Variants in PTPRD observed in about 807,000 individuals in gnomAD.
PTPRD encodes the protein receptor-type tyrosine-protein phosphatase delta.
PTPRD carries 34 observed loss-of-function variants against 214.5 expected under a neutral mutation model. The ratio of observed to expected loss-of-function variants is 0.16; its 90% CI spans 0.12 to 0.21. PTPRD has a LOEUF of 0.21. PTPRD is among the 10% of genes least tolerant of loss of function. The pLI, the probability that PTPRD is intolerant of heterozygous loss-of-function variation, is 1.00. For missense variants in PTPRD, 2,545 were observed against 2,398.7 expected, an observed-to-expected ratio of 1.06 and a Z score of -1.27; for synonymous variants, 1,128 against 845.7, an observed-to-expected ratio of 1.33 and a Z score of -5.79.
chr9:9,268,077 A>C (rs184235272), intron 9 of PTPRD, among the ~76,000 whole-genome samples: 1 of 151,104 alleles, frequency 6.6e-6, no homozygotes, highest in African/African-American at 2.4e-5. Context: ...AAAAGAAAAA[A>C]TTGTCTCTGT....
chr9:9,686,730 T>A (rs2097172876), intron 7 of PTPRD, among the ~76,000 whole-genome samples: 1 of 151,798 alleles, frequency 6.6e-6, no homozygotes, highest in Non-Finnish European at 1.5e-5. Flanking sequence ...ATATAACATA[T>A]ACTTACATAT....
At chr9:10,067,728 A>G (rs539281825) in intron 3 of PTPRD, among the ~76,000 whole-genome samples, 100 of 152,004 alleles carry the variant, frequency 6.6e-4, no homozygotes, top group African/African-American at 2.2e-3. Context: ...TTTTTACTCT[A>G]AAGACCATGC....
chr9:8,780,148 C>A (rs1462527436), intron 11 of PTPRD, among the ~76,000 whole-genome samples: 1 of 152,106 alleles, frequency 6.6e-6, no homozygotes, highest in Non-Finnish European at 1.5e-5. Context: ...AATAAAACGA[C>A]TCTAAATTCA....
chr9:9,943,684 T>C (rs982909135), intron 4 of PTPRD, among the ~76,000 whole-genome samples: 3 of 152,154 alleles, frequency 2.0e-5, no homozygotes, highest in Admixed American at 1.3e-4. Flanking sequence ...AACATCTGAA[T>C]AAGAATTTGA....
At chr9:8,948,298 G>A (rs1335291048) in intron 11 of PTPRD, among the ~76,000 whole-genome samples, 3 of 143,698 alleles carry the variant, frequency 2.1e-5, no homozygotes, top group Non-Finnish European at 3.0e-5. Context: ...GATTACCGGC[G>A]TGAGCCACCG....
chr9:9,791,457 T>A (rs2098966732), intron 5 of PTPRD, among the ~76,000 whole-genome samples: 1 of 152,136 alleles, frequency 6.6e-6, no homozygotes, highest in Non-Finnish European at 1.5e-5. Flanking sequence ...ATTAATTGGT[T>A]ATTTCAATAT....
chr9:10,019,232 A>G (rs2096791986), intron 4 of PTPRD, among the ~76,000 whole-genome samples: 1 of 152,226 alleles, frequency 6.6e-6, no homozygotes, highest in African/African-American at 2.4e-5. Context: ...GTGAGATACC[A>G]TCTCACATCA....
At chr9:9,204,611 T>C (rs960726737) in intron 9 of PTPRD, among the ~76,000 whole-genome samples, 5 of 152,192 alleles carry the variant, frequency 3.3e-5, no homozygotes, top group Admixed American at 1.3e-4. Context: ...AATGTTTACA[T>C]TGCATTTATG....
chr9:8,729,298 C>A (rs1598181451), intron 12 of PTPRD, among the ~76,000 whole-genome samples: 1 of 152,080 alleles, frequency 6.6e-6, no homozygotes, highest in East Asian at 1.9e-4. Flanking sequence ...CATATTTCCC[C>A]TCTTGATCTT....
Position 8,454,418 on chromosome 9 carries a change from T to C in PTPRD, c.3876-4581A>G, listed in dbSNP as rs113296928. Among the ~76,000 whole-genome samples the C allele has an allele frequency of 1.3e-4, 20 of 152,324 alleles. 1 individual carries two copies. Among genetic ancestry groups the C allele is most frequent in the African/African-American group, 4.6e-4 (19 of 41,580 alleles). The stretch of plus-strand genomic sequence containing the variant: ...AAAATATTTATTTTCCCCAGAATCA[T>C]CTTAATGAAGTTACTGTGTATATGT... On this transcript the variant is annotated intron_variant, in intron 33 of 45. Transcript: ENST00000381196.
chr9:9,470,569 G>C (rs562976507), intron 8 of PTPRD, among the ~76,000 whole-genome samples: 1 of 152,106 alleles, frequency 6.6e-6, no homozygotes, highest in Admixed American at 6.6e-5. Flanking sequence ...TAGTAAAAGG[G>C]GGAATAAACA....
At position 8,436,476 on chromosome 9, in the gene PTPRD, T is replaced by C. The variant is rs10977102; in HGVS notation, c.4086+116A>G. On this transcript the variant is annotated intron_variant, in intron 35 of 45. Coordinates refer to ENST00000381196, the MANE Select transcript of PTPRD (RefSeq NM_002839.4). ...CGGTTCATTATACATTTTTATATCA[T>C]ATTTGAGTCATATTTAAAGGGAAAA... The C allele has an allele frequency of 0.077, 55,826 of 720,500 alleles. 3,964 individuals are homozygous for C. The highest frequency in any genetic ancestry group is 0.26 in the East Asian group (9,616 of 36,800). The allele number at this position is 720,500 out of a possible 1,614,324, so 44.6% of individuals were successfully genotyped here.
chr9:8,805,532 T>C (rs556873080), intron 11 of PTPRD, among the ~76,000 whole-genome samples: 1 of 151,794 alleles, frequency 6.6e-6, no homozygotes, highest in Non-Finnish European at 1.5e-5. Context: ...AAAATAAATA[T>C]AGACAGAATA....
intron 5 of PTPRD, among the ~76,000 whole-genome samples, chr9:9,907,509 T>A (rs910700379): frequency 1.3e-5 from 2 of 152,012 alleles, no homozygotes; most frequent in South Asian, 4.1e-4. Flanking sequence ...ATTTACTCAA[T>A]GTACACATAT....
intron 3 of PTPRD, among the ~76,000 whole-genome samples, chr9:10,333,794 G>T (rs191986906): frequency 6.6e-6 from 1 of 151,740 alleles, no homozygotes; most frequent in Non-Finnish European, 1.5e-5. Flanking sequence ...TTTAGGTTTT[G>T]TCTACCTAGG....
At chr9:10,100,367 A>C (rs1197317907) in intron 3 of PTPRD, among the ~76,000 whole-genome samples, 1 of 151,760 alleles carries the variant, frequency 6.6e-6, no homozygotes, top group African/African-American at 2.4e-5. Context: ...GGTAGAAAGA[A>C]GTGGAATTTG....
rs527361790 is a variant in PTPRD at position 9,905,133 on chromosome 9, T to G, written c.-368+33374A>C. Among the ~76,000 whole-genome samples the G allele has an allele frequency of 2.6e-5, 4 of 152,032 alleles. No homozygotes were observed. The South Asian group carries it at 8.3e-4, about 31-fold the overall frequency. ...CTTCCCATGCCTGAACTTAGCCAAT[T>G]TAGTTCGTACTTGAACACGACATTT... is the stretch of plus-strand genomic sequence containing the variant. On this transcript the variant is annotated intron_variant, in intron 5 of 45. Transcript: ENST00000381196.
chr9:8,466,092 G>A (rs1187836072), intron 31 of PTPRD, among the ~76,000 whole-genome samples: 1 of 151,894 alleles, frequency 6.6e-6, no homozygotes, highest in Non-Finnish European at 1.5e-5. Flanking sequence ...TTTAAATATA[G>A]CCACATTTTA....
intron 11 of PTPRD, among the ~76,000 whole-genome samples, chr9:8,832,038 C>T (rs7048621): frequency 0.57 from 87,037 of 151,744 alleles, 25,856 homozygotes; most frequent in African/African-American, 0.73. Context: ...GTGTTTGCAA[C>T]CTTCTGAGAG....
Sources: allele counts gnomAD v4.1 joint callset (sites outside exome capture counted in the v4.1 genomes callset), GRCh38; gene constraint gnomAD v4.1.1; transcripts MANE v1.5; gene names NCBI Gene and HGNC (gene_info 2026-07-23, HGNC 2026-07-21).